The following KLHL36 variants were observed in gnomAD, a reference collection of about 807,000 sequenced individuals.
The protein encoded by KLHL36 is kelch like family member 36.
A neutral mutation model predicts 53.3 loss-of-function variants in KLHL36; 35 were observed. The observed-to-expected ratio is 0.66, with a 90% CI of 0.50 to 0.87. The LOEUF is 0.87. KLHL36 is among the 40% of genes least tolerant of loss of function. The pLI is 0.00. For synonymous variants in KLHL36, 472 were observed against 398.9 expected (o/e 1.18, Z -2.18); for missense variants, 864 against 897.6 (o/e 0.96, Z 0.48).
intron 4 of KLHL36, among the ~76,000 whole-genome samples, chr16:84,660,858 G>T (rs1415236789): frequency 6.6e-6 from 1 of 152,192 alleles, no homozygotes; most frequent in Non-Finnish European, 1.5e-5. Context: ...CTAGCCTCAA[G>T]AGATCCACCC....
At position 84,656,948 on chromosome 16, in the gene KLHL36, C is replaced by T. The variant is rs1322147803; in HGVS notation, c.141C>T (p.Asp47=). The T allele has an allele frequency of 9.9e-6, 16 of 1,613,576 alleles. No homozygotes were observed. Among genetic ancestry groups the T allele is most frequent in the East Asian group, 4.5e-5 (2 of 44,894 alleles). ...AGCGTCTCCGCGGGCTCTTCTGCGACGTCGTCCTGGTGGCCGATGAGCAGC... is the reference window on the plus strand; with the variant it reads ...AGCGTCTCCGCGGGCTCTTCTGCGATGTCGTCCTGGTGGCCGATGAGCAGC... ...NEQRLRGLFC[D]VVLVADEQRV... is the part of the protein sequence containing the mutation. Residue 47 remains aspartate (D), a synonymous_variant, in exon 3 of 5, where the codon GAC becomes GAT. Coordinates refer to ENST00000564996, the MANE Select transcript of KLHL36 (RefSeq NM_024731.4).
Position 84,661,889 on chromosome 16 carries a change from A to G in KLHL36, c.1607A>G (p.Asn536Ser). The change falls in exon 5 of 5, where the codon AAC (asparagine) becomes AGC (serine). Residue 536 changes from asparagine to serine, a missense_variant. Coordinates refer to ENST00000564996, the MANE Select transcript of KLHL36 (RefSeq NM_024731.4). The surrounding 1 kb of genome is among the most constrained non-coding windows in gnomAD (Gnocchi z 7.9). ...WTRVAPLLHA[N>S]SESGVAVWEG... ...CGCGTGGCGCCGCTGCTGCACGCCA[A>G]CAGCGAGTCGGGCGTGGCAGTGTGG... 1 of 1,600,626 alleles carries G rather than the reference A, an allele frequency of 6.2e-7. No homozygotes were observed. Among genetic ancestry groups the G allele is most frequent in the African/African-American group, 1.3e-5 (1 of 74,796 alleles).
chr16:84,657,320 C>T lies in KLHL36; in HGVS notation c.513C>T (p.Ile171=). ...TTGATGCCTTCATCGATGGCTTCAT[C>T]CTGAACCACTTCGGCACGCTGTCCT... is the stretch of plus-strand genomic sequence containing the variant. ...KRLDAFIDGF[I]LNHFGTLSFT... is the part of the protein sequence containing the mutation. The change falls in exon 3 of 5, where the codon ATC becomes ATT. Residue 171 remains isoleucine, a synonymous_variant. Coordinates refer to ENST00000564996, the MANE Select transcript of KLHL36 (RefSeq NM_024731.4). 1 of 1,613,750 alleles carries T rather than the reference C, an allele frequency of 6.2e-7. No individual in the cohort carries two copies. Among genetic ancestry groups the T allele is most frequent in the South Asian group, 1.1e-5 (1 of 91,090 alleles).
At position 84,663,761 on chromosome 16, in the gene KLHL36, CT is replaced by C. The variant is rs1907689630; in HGVS notation, c.*1629del. 1 of 152,278 alleles carries C rather than the reference CT, an allele frequency of 6.6e-6. No homozygotes were observed. Among genetic ancestry groups the C allele is most frequent in the Admixed American group, 6.5e-5 (1 of 15,282 alleles). The allele number at this position is 152,278 out of a possible 1,614,324, so 9.4% of individuals were successfully genotyped here. On this transcript the variant is annotated 3_prime_UTR_variant, in exon 5 of 5. Coordinates refer to ENST00000564996, the MANE Select transcript of KLHL36 (RefSeq NM_024731.4). ...AATTTCCATTTCTTCTGCTTCTTTG[CT>C]GCCCCTCCTTTCCCTTCCCTTCAGG...
intron 2 of KLHL36, among the ~76,000 whole-genome samples, chr16:84,651,861 C>T (rs1906904271): frequency 6.6e-6 from 1 of 152,062 alleles, no homozygotes; most frequent in South Asian, 2.1e-4. Flanking sequence ...TAAAAGCCTT[C>T]TTGTGGGGCA....
intron 4 of KLHL36, 152 bp downstream of exon 4, chr16:84,660,069 C>T (rs2303230): frequency 0.28 from 211,413 of 762,044 alleles, 32,252 homozygotes; most frequent in Non-Finnish European, 0.31. Context: ...CCATGAGGGG[C>T]GGAGGGCGTG....
intron 2 of KLHL36, among the ~76,000 whole-genome samples, chr16:84,653,959 C>G: frequency 6.6e-6 from 1 of 152,128 alleles, no homozygotes; most frequent in Non-Finnish European, 1.5e-5. Context: ...CAGCATCACT[C>G]CAGCCCACTT....
At chr16:84,651,691 A>G (rs1444997519) in intron 2 of KLHL36, among the ~76,000 whole-genome samples, 2 of 152,138 alleles carry the variant, frequency 1.3e-5, no homozygotes, top group Non-Finnish European at 2.9e-5. Context: ...AATGAGTATG[A>G]TATTGCCCTG....
chr16:84,666,862 A>G lies in KLHL36; in HGVS notation c.*4729A>G, dbSNP rs1907864005. 1 of 152,086 alleles carries G rather than the reference A, an allele frequency of 6.6e-6. No homozygotes were observed. 9.4% of individuals were successfully genotyped at this position (152,086 alleles called of 1,614,324 possible). ...GGGGGACGGATCACCTGAGGTCAAG[A>G]GTTTGAGACCACCCTGACCAACATG... On this transcript the variant is annotated 3_prime_UTR_variant, in exon 5 of 5. Transcript: ENST00000564996.
Position 84,662,143 on chromosome 16 carries a change from C to T in KLHL36, c.*10C>T, listed in dbSNP as rs568840502. The T allele has an allele frequency of 5.4e-5, 81 of 1,509,560 alleles. No individual in the cohort carries two copies. In the East Asian group the frequency reaches 1.3e-3, roughly 24 times the overall value. 93.5% of individuals were successfully genotyped at this position (1,509,560 alleles called of 1,614,324 possible). ...GGACCGGGGCCAGTGACCCTAGCTG[C>T]GCCTCTTGGGACCATCCTCACCGTC... On this transcript the variant is annotated 3_prime_UTR_variant, in exon 5 of 5. Transcript: ENST00000564996.
chr16:84,653,751 A>G (rs916313605), intron 2 of KLHL36, among the ~76,000 whole-genome samples: 4 of 151,376 alleles, frequency 2.6e-5, no homozygotes, highest in Non-Finnish European at 2.9e-5. Context: ...GAGGCAGGAG[A>G]ATCGCCTGAA....
rs1002660536 is a variant in KLHL36 at position 84,659,739 on chromosome 16, A to G, written c.1138-21A>G. 5 of 1,612,602 alleles carry G rather than the reference A, an allele frequency of 3.1e-6. No individual in the cohort carries two copies. In the African/African-American group the frequency reaches 5.3e-5, roughly 17 times the overall value. On this transcript the variant is annotated intron_variant, in intron 3 of 4. Coordinates refer to ENST00000564996, the MANE Select transcript of KLHL36 (RefSeq NM_024731.4). Reference sequence around the variant, plus strand: ...GTCCCGGGTTCGGGGAAGGGAAGGTACAGGTATCTCAACTCCACAGGTGGC... The same window carrying G: ...GTCCCGGGTTCGGGGAAGGGAAGGTGCAGGTATCTCAACTCCACAGGTGGC...
intron 1 of KLHL36, among the ~76,000 whole-genome samples, chr16:84,650,166 C>T (rs1906767666): frequency 6.6e-6 from 1 of 152,154 alleles, no homozygotes; most frequent in Non-Finnish European, 1.5e-5. Flanking sequence ...ACAGTGCTGG[C>T]CTCATGGGGT....
rs202199283 is a variant in KLHL36, at chr16:84,657,446, C to T, written c.639C>T (p.Ala213=). Residue 213 remains alanine, a synonymous_variant, in exon 3 of 5, where the codon GCC becomes GCT. Coordinates refer to ENST00000564996, the MANE Select transcript of KLHL36 (RefSeq NM_024731.4). The part of the protein sequence containing the change: ...QRECEHDLLQ[A]ALQWLTQQPE... ...AGTGTGAGCACGACCTCCTGCAGGC[C>T]GCCCTGCAGTGGCTGACGCAGCAGC... 228 of 1,606,250 alleles carry T rather than the reference C, an allele frequency of 1.4e-4. 2 individuals are homozygous for T. In the East Asian group the frequency reaches 4.5e-3, roughly 32 times the overall value.
In KLHL36 at chr16:84,666,812, T is replaced by G. The variant is rs2150733262; in HGVS notation, c.*4679T>G. ...GGCCGGGCGCAGTGGCTCACGCCTG[T>G]ACTCCCAGCACTCTGGGAGGCCAAG... is the stretch of plus-strand genomic sequence containing the variant. On this transcript the variant is annotated 3_prime_UTR_variant, in exon 5 of 5. Coordinates refer to ENST00000564996, the MANE Select transcript of KLHL36 (RefSeq NM_024731.4). 1 of 152,258 alleles carries G rather than the reference T, an allele frequency of 6.6e-6. No individual in the cohort carries two copies. The highest frequency in any genetic ancestry group is 2.1e-4 in the South Asian group (1 of 4,824). 9.4% of individuals were successfully genotyped at this position (152,258 alleles called of 1,614,324 possible). A position where few individuals can be genotyped will look rare whatever the true frequency, so the allele number is the denominator to read the frequency against.
In KLHL36 at chr16:84,657,921, C is replaced by T; in HGVS notation, c.1114C>T (p.Pro372Ser). Residue 372 changes from proline to serine, a missense_variant, in exon 3 of 5, where the codon CCC becomes TCC. Pro to Ser is a moderately conservative substitution (Grantham distance 74, BLOSUM62 -1). Transcript: ENST00000564996. ...CTCCAATCTTCTTTATAGGTATGAC[C>T]CCCGCTGTAAACAGTGGATCAAGGT... ...AASNLLYRYD[P>S]RCKQWIKVAS... 6.5e-7 allele frequency: 1 copy of T among 1,528,310 alleles called. No homozygotes were observed. The highest frequency in any genetic ancestry group is 8.8e-7 in the Non-Finnish European group (1 of 1,137,686). The allele number at this position is 1,528,310 out of a possible 1,614,324, so 94.7% of individuals were successfully genotyped here.
In KLHL36 at chr16:84,667,069, A is replaced by AAAG. The variant is rs1567566442; in HGVS notation, c.*4938_*4939insGAA. The AAAG allele has an allele frequency of 6.8e-6, 1 of 146,168 alleles. No individual in the cohort carries two copies. The highest frequency in any genetic ancestry group is 2.6e-5 in the African/African-American group (1 of 39,188). 9.1% of individuals were successfully genotyped at this position (146,168 alleles called of 1,614,324 possible). A position where few individuals can be genotyped will look rare whatever the true frequency, so the allele number is the denominator to read the frequency against. On this transcript the variant is annotated 3_prime_UTR_variant, in exon 5 of 5. Coordinates refer to ENST00000564996, the MANE Select transcript of KLHL36 (RefSeq NM_024731.4). The stretch of plus-strand genomic sequence containing the variant: ...CGAGTAAGACTGTCTCAAAAAAAAA[A>AAAG]AAAAAAAAGAAAAGAAATTGTCCTT...
chr16:84,662,339 GC>G lies in KLHL36; in HGVS notation c.*209del, dbSNP rs1212942964. On this transcript the variant is annotated 3_prime_UTR_variant, in exon 5 of 5. Transcript: ENST00000564996. ...ATCTTGCTTGAATAACTAACCCTGG[GC>G]CCAGGCAGTGAGCAACCCCTTGTAT... The G allele has an allele frequency of 1.9e-6, 1 of 529,160 alleles. No individual in the cohort carries two copies. Among genetic ancestry groups the G allele is most frequent in the East Asian group, 3.0e-5 (1 of 32,946 alleles). The allele number at this position is 529,160 out of a possible 1,614,324, so 32.8% of individuals were successfully genotyped here.
chr16:84,661,884 C>T lies in KLHL36; in HGVS notation c.1602C>T (p.His534=), dbSNP rs12928590. 339,824 of 1,599,086 alleles carry T rather than the reference C, an allele frequency of 0.21. 38,886 individuals are homozygous for T. Among genetic ancestry groups the T allele is most frequent in the African/African-American group, 0.26 (19,304 of 74,694 alleles). The change falls in exon 5 of 5, where the codon CAC becomes CAT. Residue 534 remains histidine (H), a synonymous_variant. Coordinates refer to ENST00000564996, the MANE Select transcript of KLHL36 (RefSeq NM_024731.4). This position sits in a 1 kb window ranked among gnomAD's most constrained non-coding sequence, Gnocchi z 7.9. The stretch of plus-strand genomic sequence containing the variant: ...GGACCCGCGTGGCGCCGCTGCTGCA[C>T]GCCAACAGCGAGTCGGGCGTGGCAG... The part of the protein sequence containing the change: ...NQWTRVAPLL[H]ANSESGVAVW...
Sources: allele counts gnomAD v4.1 joint callset (sites outside exome capture counted in the v4.1 genomes callset), GRCh38; gene constraint gnomAD v4.1.1; non-coding constraint Gnocchi (gnomAD v3.1); transcripts MANE v1.5; gene names NCBI Gene and HGNC (gene_info 2026-07-23, HGNC 2026-07-21).